Variants in GLB1L3 observed in about 807,000 individuals in gnomAD.
The protein encoded by GLB1L3 is galactosidase beta 1 like 3.
In GLB1L3, 89 loss-of-function variants were observed where a neutral mutation model predicts 89.5. The observed-to-expected ratio is 0.99, with a 90% CI of 0.84 to 1.19. GLB1L3 has a LOEUF of 1.19. Among genes scored for constraint, GLB1L3 ranks in the 50% most tolerant of loss-of-function variants. GLB1L3 has a pLI of 0.00. For synonymous variants in GLB1L3, 314 were observed against 312.3 expected (o/e 1.01, Z -0.06); for missense variants, 812 against 813.3 (o/e 1.00, Z 0.02).
At chr11:134,311,460 C>G (rs2136220612) in intron 13 of GLB1L3, 1 of 260,164 alleles carries the variant, frequency 3.8e-6, no homozygotes, top group East Asian at 8.2e-5. Flanking sequence ...CTTACGGAAT[C>G]CACGTAGGAA....
intron 9 of GLB1L3, among the ~76,000 whole-genome samples, chr11:134,294,640 T>G (rs1325754417): frequency 1.3e-5 from 2 of 152,210 alleles, no homozygotes; most frequent in East Asian, 3.8e-4. Flanking sequence ...CTTATCACAG[T>G]TAATCCCGTC....
chr11:134,277,579 A>G (rs1940447019), intron 2 of GLB1L3, 121 bp from the exon 3 acceptor site: 7 of 1,512,440 alleles, frequency 4.6e-6, no homozygotes, highest in Non-Finnish European at 6.4e-6. Context: ...CTACTAACAT[A>G]TGCACAGAAC....
At chr11:134,321,532 A>G (rs948941872), downstream of GLB1L3, among the ~76,000 whole-genome samples, 8 of 152,122 alleles carry the variant, frequency 5.3e-5, no homozygotes, top group South Asian at 2.1e-4. Context: ...ATGTCTATCA[A>G]TGATAGACTG....
intron 9 of GLB1L3, among the ~76,000 whole-genome samples, chr11:134,295,429 G>A (rs1405023848): frequency 6.6e-6 from 1 of 152,096 alleles, no homozygotes; most frequent in African/African-American, 2.4e-5. Context: ...ATAATCCCTT[G>A]TTATCCTCTT....
At chr11:134,317,813 G>A (rs537729993) in intron 18 of GLB1L3, among the ~76,000 whole-genome samples, 39 of 152,038 alleles carry the variant, frequency 2.6e-4, no homozygotes, top group South Asian at 2.3e-3. Context: ...TGTCAATTTC[G>A]CTGATATGTT....
intron 12 of GLB1L3, 51 bp downstream of exon 12, chr11:134,310,702 C>G: frequency 4.3e-6 from 6 of 1,410,968 alleles, no homozygotes; most frequent in Non-Finnish European, 6.0e-6. Flanking sequence ...TGTGGAGTCT[C>G]TGTTCTGTGG....
intron 5 of GLB1L3, 45 bp from the exon 6 acceptor site, chr11:134,283,692 C>A: frequency 8.5e-7 from 1 of 1,173,214 alleles, no homozygotes; most frequent in Non-Finnish European, 1.3e-6. Flanking sequence ...CTGCTTCCCT[C>A]TCCCAACCCG....
chr11:134,317,626 A>G (rs1943040356), intron 18 of GLB1L3, among the ~76,000 whole-genome samples: 1 of 152,206 alleles, frequency 6.6e-6, no homozygotes, highest in African/African-American at 2.4e-5. Context: ...TTGAAAGAAT[A>G]TGTGTATACT....
intron 10 of GLB1L3, among the ~76,000 whole-genome samples, chr11:134,308,371 C>CCACCACCACCAT (rs1565413373): frequency 7.3e-5 from 5 of 68,476 alleles, no homozygotes; most frequent in East Asian, 4.0e-4. Flanking sequence ...ACCACCACCA[C>CCACCACCACCAT]CACCACCATC....
At position 134,277,781 on chromosome 11, in the gene GLB1L3, G is replaced by T; in HGVS notation, c.231G>T (p.Lys77Asn). The T allele has an allele frequency of 6.2e-7, 1 of 1,614,038 alleles. No individual in the cohort carries two copies. The highest frequency in any genetic ancestry group is 8.5e-7 in the Non-Finnish European group (1 of 1,179,990). The change falls in exon 3 of 20, where the codon AAG becomes AAT. Residue 77 changes from lysine to asparagine, a missense_variant. Physicochemically the swap from Lys to Asn is moderately conservative, Grantham distance 94. Around this residue, in one of 3 missense-constraint regions of GLB1L3, gnomAD observed 191 missense variants for 191.4 expected, o/e 1.00. Transcript: ENST00000431683. ...GAACTGAAAGCACAGGTCGGGGTAA[G>T]CCCCACTTCACACTGGAGGGCCACA... The part of the protein sequence containing the change: ...GLGTESTGRG[K>N]PHFTLEGHKF...
At chr11:134,279,479 G>C (rs1019521107) in intron 3 of GLB1L3, among the ~76,000 whole-genome samples, 1 of 148,396 alleles carries the variant, frequency 6.7e-6, no homozygotes, top group Admixed American at 6.9e-5. Flanking sequence ...TGATTCTCCT[G>C]CCTCACCCTC....
chr11:134,323,326 G>A (rs1369058732), downstream of GLB1L3, among the ~76,000 whole-genome samples: 1 of 152,028 alleles, frequency 6.6e-6, no homozygotes, highest in African/African-American at 2.4e-5. Context: ...TTTGTGACCA[G>A]CCTGGCCAAC....
Position 134,318,288 on chromosome 11 carries a change from A to C in GLB1L3, c.1780-343A>C, listed in dbSNP as rs1021062724. On this transcript the variant is annotated intron_variant, in intron 18 of 19. Coordinates refer to ENST00000431683, the MANE Select transcript of GLB1L3 (RefSeq NM_001080407.3). ...TTATATTGCAAGCAGATTTTTAAAA[A>C]TGTGCAGCTTTTATATTAATAGCCA... Among the ~76,000 whole-genome samples, 3 of 152,218 alleles carry C rather than the reference A, an allele frequency of 2.0e-5. No individual in the cohort carries two copies. The East Asian group carries it at 5.8e-4, about 29-fold the overall frequency.
At position 134,276,665 on chromosome 11, in the gene GLB1L3, G is replaced by T. The variant is rs1053922111; in HGVS notation, c.-76G>T. The T allele has an allele frequency of 7.1e-5, 93 of 1,306,602 alleles. No individual in the cohort carries two copies. The highest frequency in any genetic ancestry group is 8.7e-5 in the Non-Finnish European group (88 of 1,013,124). The allele number at this position is 1,306,602 out of a possible 1,614,324, so 80.9% of individuals were successfully genotyped here. ...CCCGCGGAACCGGGGCTCGAGTCCC[G>T]GCCCGAGCGCGGCGTCGGGGCCAGC... On this transcript the variant is annotated 5_prime_UTR_variant, in exon 1 of 20. Transcript: ENST00000431683.
At chr11:134,320,767 C>T (rs1031547091), downstream of GLB1L3, among the ~76,000 whole-genome samples, 2 of 151,832 alleles carry the variant, frequency 1.3e-5, no homozygotes, top group Admixed American at 1.3e-4. Context: ...ATAGAACTTT[C>T]TGACAAACAA....
Position 134,277,716 on chromosome 11 carries a change from C to A in GLB1L3, c.166C>A (p.Leu56Met). Reference protein sequence around the residue: ...PSQPRFNWSHLTPLELKNRSV... With the variant: ...PSQPRFNWSHMTPLELKNRSV... ...CCCCTCCAGGTTTAATTGGTCTCAT[C>A]TGACCCCTCTGGAGCTGAAGAATCG... The change falls in exon 3 of 20, where the codon CTG becomes ATG. Residue 56 changes from leucine (L) to methionine (M), a missense_variant. By Grantham distance (15) the Leu-to-Met change is conservative. This residue lies in a region of GLB1L3 where 191 missense variants were observed against 191.4 expected (regional missense o/e 1.00). Transcript: ENST00000431683. 1 of 1,610,266 alleles carries A rather than the reference C, an allele frequency of 6.2e-7. No homozygotes were observed. Among genetic ancestry groups the A allele is most frequent in the Non-Finnish European group, 8.5e-7 (1 of 1,178,250 alleles).
At chr11:134,305,007 C>G in intron 9 of GLB1L3, 1 of 1,273,692 alleles carries the variant, frequency 7.9e-7, no homozygotes, top group African/African-American at 1.5e-5. Context: ...ACTGCGCTAA[C>G]AATGTATCTT....
downstream of GLB1L3, among the ~76,000 whole-genome samples, chr11:134,321,179 CT>C (rs1209288888): frequency 3.9e-5 from 6 of 152,166 alleles, no homozygotes; most frequent in African/African-American, 1.4e-4. Context: ...GGCAAAAACA[CT>C]GTGTAAAGCG....
intron 13 of GLB1L3, 108 bp from the exon 14 acceptor site, chr11:134,312,235 CCCATTT>C (rs1942766976): frequency 1.7e-6 from 2 of 1,170,488 alleles, no homozygotes; most frequent in South Asian, 1.5e-5. Context: ...TTCATCATTT[CCCATTT>C]GAAGAACCCT....
Sources: gnomAD v4.1 joint callset for allele counts (sites outside exome capture counted in the v4.1 genomes callset) on GRCh38, gnomAD v4.1.1 for gene constraint, gnomAD v4.1.1 regional missense constraint, MANE v1.5 for transcripts, NCBI Gene and HGNC (gene_info 2026-07-23, HGNC 2026-07-21) for gene names.